The following USP15 variants were observed in gnomAD, a reference collection of about 807,000 sequenced individuals.
USP15 encodes the protein ubiquitin carboxyl-terminal hydrolase 15.
USP15 carries 18 observed loss-of-function variants against 127.1 expected under a neutral mutation model. That is an observed-to-expected ratio of 0.14 (90% CI 0.10 to 0.21). USP15 has a LOEUF of 0.21. Ranked by LOEUF, USP15 falls within the 10% of genes least tolerant of loss-of-function variation. The pLI is 1.00. For missense variants in USP15, 805 were observed against 1,159.9 expected, an observed-to-expected ratio of 0.69 and a Z score of 4.44; for synonymous variants, 364 against 393.7, an observed-to-expected ratio of 0.92 and a Z score of 0.89.
chr12:62,392,747 C>A (rs1195240884), intron 18 of USP15, among the ~76,000 whole-genome samples: 2 of 152,038 alleles, frequency 1.3e-5, no homozygotes, highest in African/African-American at 2.4e-5. Context: ...TTGAGATTTT[C>A]TAATACCTGT....
intron 7 of USP15, 95 bp downstream of exon 7, chr12:62,349,402 A>C: frequency 1.4e-6 from 1 of 721,308 alleles, no homozygotes; most frequent in Non-Finnish European, 2.0e-6. Flanking sequence ...TAAAAGTCTT[A>C]ATGCATTAAA....
intron 8 of USP15, among the ~76,000 whole-genome samples, chr12:62,380,171 T>A (rs1021429759): frequency 2.6e-5 from 4 of 151,966 alleles, no homozygotes; most frequent in African/African-American, 9.7e-5. Context: ...TATAACCAGT[T>A]GTCCCTTTTG....
chr12:62,330,886 A>G (rs1365224529), intron 6 of USP15, among the ~76,000 whole-genome samples: 3 of 151,336 alleles, frequency 2.0e-5, no homozygotes, highest in South Asian at 2.1e-4. Flanking sequence ...TGATCACACA[A>G]CTGCACTCTA....
chr12:62,391,933 A>G (rs374231045), intron 17 of USP15, 47 bp downstream of exon 17: 4 of 1,490,666 alleles, frequency 2.7e-6, no homozygotes, highest in Non-Finnish European at 3.7e-6. Context: ...GATTTACTTT[A>G]TGTGATTACC....
rs762358467 is a variant in USP15, at chr12:62,314,945, TC to T, written c.475+31del. On this transcript the variant is annotated intron_variant, in intron 4 of 21. Transcript: ENST00000280377. ...ATGCAAGATCCTGTCTTGTTTTTAATCCATTGCTATTAGATATTTAATTAGA... is the reference window on the plus strand; with the variant it reads ...ATGCAAGATCCTGTCTTGTTTTTAATCATTGCTATTAGATATTTAATTAGA... 4 of 1,524,536 alleles carry T rather than the reference TC, an allele frequency of 2.6e-6. No homozygotes were observed. In the African/African-American group the frequency reaches 5.6e-5, roughly 21 times the overall value. The allele number at this position is 1,524,536 out of a possible 1,614,324, so 94.4% of individuals were successfully genotyped here. A position where few individuals can be genotyped will look rare whatever the true frequency, so the allele number is the denominator to read the frequency against.
chr12:62,379,201 C>CAA (rs59155021), intron 8 of USP15, among the ~76,000 whole-genome samples: 58,866 of 134,442 alleles, frequency 0.44, 13,645 homozygotes, highest in East Asian at 0.56. Context: ...TTAGTAAGGC[C>CAA]AAAAAAAAAA....
At chr12:62,327,569 A>C (rs2065163086) in intron 6 of USP15, 1 of 387,268 alleles carries the variant, frequency 2.6e-6, no homozygotes. Flanking sequence ...AAAACCCATG[A>C]GTTCTAAAGA....
At chr12:62,261,018 G>C (rs564588205) in intron 1 of USP15, among the ~76,000 whole-genome samples, 1 of 152,114 alleles carries the variant, frequency 6.6e-6, no homozygotes, top group African/African-American at 2.4e-5. Context: ...TACACAGGTG[G>C]CATGTCAGGG....
intron 1 of USP15, among the ~76,000 whole-genome samples, chr12:62,289,246 G>T (rs1212666321): frequency 8.6e-6 from 1 of 116,186 alleles, no homozygotes; most frequent in African/African-American, 3.3e-5. Flanking sequence ...GTTGTTGTTG[G>T]GAGATTTTCA....
Position 62,331,895 on chromosome 12 carries a change from T to A in USP15, c.683+5962T>A, listed in dbSNP as rs374533029. 3.9e-5 allele frequency among the ~76,000 whole-genome samples: 6 copies of A among 152,308 alleles called. No homozygotes were observed. In the South Asian group the frequency reaches 6.2e-4, roughly 16 times the overall value. On this transcript the variant is annotated intron_variant, in intron 6 of 21. Transcript: ENST00000280377. ...TCAAAAGTCTTCTGTTCAAGCACAGTGGCTCACTCCTATGATCCCAGCACT... is the reference window on the plus strand; with the variant it reads ...TCAAAAGTCTTCTGTTCAAGCACAGAGGCTCACTCCTATGATCCCAGCACT...
At chr12:62,392,003 A>G (rs982399633) in intron 17 of USP15, 117 bp downstream of exon 17, 1 of 1,113,986 alleles carries the variant, frequency 9.0e-7, no homozygotes, top group Non-Finnish European at 1.3e-6. Flanking sequence ...TTATTTTGCC[A>G]GTAAAAAATT....
At chr12:62,401,329 G>T in intron 21 of USP15, 54 bp downstream of exon 21, 1 of 1,407,840 alleles carries the variant, frequency 7.1e-7, no homozygotes, top group South Asian at 1.2e-5. Flanking sequence ...CTTAAGGAGT[G>T]AATATAAATT....
rs1162933395 is a variant in USP15, at chr12:62,413,777, G to C, written c.*9402G>C. 1 of 151,860 alleles carries C rather than the reference G, an allele frequency of 6.6e-6. No individual in the cohort carries two copies. The highest frequency in any genetic ancestry group is 1.5e-5 in the Non-Finnish European group (1 of 68,004). The allele number at this position is 151,860 out of a possible 1,614,324, so 9.4% of individuals were successfully genotyped here. On this transcript the variant is annotated 3_prime_UTR_variant, in exon 22 of 22. Coordinates refer to ENST00000280377, the MANE Select transcript of USP15 (RefSeq NM_001252078.2). ...TTTCTTATGATTCATGTGTTCACTT[G>C]AGTAGCACTTTTAATTTCAGGAACT...
chr12:62,398,000 GT>G (rs113359688), intron 20 of USP15, among the ~76,000 whole-genome samples: 87,458 of 147,440 alleles, frequency 0.59, 25,886 homozygotes, highest in Non-Finnish European at 0.62. Flanking sequence ...TTATCTATAC[GT>G]TTTTTTTTTG....
chr12:62,304,368 A>G (rs1306229340), intron 3 of USP15, among the ~76,000 whole-genome samples: 1 of 152,236 alleles, frequency 6.6e-6, no homozygotes, highest in African/African-American at 2.4e-5. Flanking sequence ...GTGCTATATT[A>G]CATTGCGTGG....
At chr12:62,303,903 T>A (rs1199665827) in intron 3 of USP15, among the ~76,000 whole-genome samples, 1 of 152,186 alleles carries the variant, frequency 6.6e-6, no homozygotes, top group Non-Finnish European at 1.5e-5. Context: ...AATGCTAGCC[T>A]TATAGATCTG....
At chr12:62,299,801 A>G (rs1245743978) in intron 2 of USP15, among the ~76,000 whole-genome samples, 1 of 152,198 alleles carries the variant, frequency 6.6e-6, no homozygotes, top group Non-Finnish European at 1.5e-5. Flanking sequence ...ATGAGGATTC[A>G]TTGCTTCACA....
chr12:62,313,732 G>T (rs947539485), intron 3 of USP15, among the ~76,000 whole-genome samples: 1 of 151,768 alleles, frequency 6.6e-6, no homozygotes, highest in East Asian at 1.9e-4. Context: ...AGAGGTACAG[G>T]CTGCTACCTG....
At chr12:62,399,867 G>A (rs540028353) in intron 20 of USP15, among the ~76,000 whole-genome samples, 12 of 152,242 alleles carry the variant, frequency 7.9e-5, no homozygotes, top group African/African-American at 2.4e-4. Context: ...TCTTCTGACC[G>A]CCAGTGGAGT....
Sources: gnomAD v4.1 joint callset for allele counts (sites outside exome capture counted in the v4.1 genomes callset) on GRCh38, gnomAD v4.1.1 for gene constraint, MANE v1.5 for transcripts, NCBI Gene and HGNC (gene_info 2026-07-23, HGNC 2026-07-21) for gene names.